The following LMTK3 variants were observed in gnomAD, a reference collection of about 807,000 sequenced individuals.
The protein encoded by LMTK3 is serine/threonine-protein kinase LMTK3.
Under a neutral mutation model 116.7 loss-of-function variants are expected in LMTK3, and 27 were observed. The ratio of observed to expected loss-of-function variants is 0.23; its 90% CI spans 0.17 to 0.32. The LOEUF (loss-of-function observed/expected upper bound fraction) is 0.32, where lower values mean the gene tolerates loss of function less well. LMTK3 is among the 10% of genes least tolerant of loss of function. The probability of loss-of-function intolerance (pLI) is 1.00; values close to 1 mark genes in which losing one functional copy is unlikely to be tolerated. For synonymous variants in LMTK3, 965 were observed against 971.0 expected (o/e 0.99, Z 0.11); for missense variants, 1,764 against 2,068.5 (o/e 0.85, Z 2.86).
Position 48,498,861 on chromosome 19 carries a change from G to T in LMTK3, c.2208C>A (p.Leu736=). 1.6e-6 allele frequency: 2 copies of T among 1,217,320 alleles called. No individual in the cohort carries two copies. The highest frequency in any genetic ancestry group is 2.1e-6 in the Non-Finnish European group (2 of 957,228). 75.4% of individuals were successfully genotyped at this position (1,217,320 alleles called of 1,614,324 possible). Residue 736 remains leucine, a synonymous_variant, in exon 11 of 15, where the codon CTC becomes CTA. Transcript: ENST00000600059. ...ASAPPEFLDP[L]MGAAAPQYPG... ...GGTACTGGGGCGCCGCCGCCCCCATGAGGGGGTCCAGAAACTCGGGGGGGG... is the reference window on the plus strand; with the variant it reads ...GGTACTGGGGCGCCGCCGCCCCCATTAGGGGGTCCAGAAACTCGGGGGGGG...
intron 1 of LMTK3, among the ~76,000 whole-genome samples, chr19:48,510,973 G>A (rs1484808109): frequency 3.3e-5 from 5 of 152,346 alleles, no homozygotes; most frequent in Admixed American, 3.3e-4. Context: ...TTGGGGAGGA[G>A]GACTAGCTCT....
rs373424600 is a variant in LMTK3 at position 48,491,126 on chromosome 19, G to T, written c.4348C>A (p.Pro1450Thr). 43 of 1,374,806 alleles carry T rather than the reference G, an allele frequency of 3.1e-5. No individual in the cohort carries two copies. The African/African-American group carries it at 6.0e-4, about 19-fold the overall frequency. The allele number at this position is 1,374,806 out of a possible 1,614,324, so 85.2% of individuals were successfully genotyped here. The change falls in exon 14 of 15, where the codon CCC (proline) becomes ACC (threonine). Residue 1450 changes from proline to threonine, a missense_variant. Coordinates refer to ENST00000600059, the MANE Select transcript of LMTK3 (RefSeq NM_001388485.1). The surrounding 1 kb of genome is among the most constrained non-coding windows in gnomAD (Gnocchi z 5.1). ...LETPGPPARA[P>T]DARPAGPVEN The stretch of plus-strand genomic sequence containing the variant: ...ATGGTACCTGCGGGCCGGGCGTCGG[G>T]GGCCCGGGCGGGTGGCCCCGGGGTC...
chr19:48,510,191 G>T lies in LMTK3; in HGVS notation c.211-18C>A. The T allele has an allele frequency of 6.2e-7, 1 of 1,606,034 alleles. No homozygotes were observed. Among genetic ancestry groups the T allele is most frequent in the Non-Finnish European group, 8.5e-7 (1 of 1,173,546 alleles). On this transcript the variant is annotated intron_variant, in intron 2 of 14. Transcript: ENST00000600059. ...TCAAATTCCTGGGGCCAGGAGAGGA[G>T]AAGAGGGGTGGGAGAACGCAGGGCT...
intron 6 of LMTK3, among the ~76,000 whole-genome samples, 158 bp from the exon 7 acceptor site, chr19:48,502,739 G>A (rs1972495298): frequency 6.6e-6 from 1 of 152,200 alleles, no homozygotes; most frequent in Non-Finnish European, 1.5e-5. Context: ...CATCTTGCCT[G>A]CTTGTTCAGG....
intron 7 of LMTK3, 78 bp downstream of exon 7, chr19:48,502,355 T>C: frequency 3.7e-5 from 41 of 1,099,230 alleles, no homozygotes; most frequent in Admixed American, 2.1e-4. Flanking sequence ...CCGCCCCCCC[T>C]CTAGCCCCTC....
In LMTK3 at chr19:48,511,608, TGGC is replaced by T; in HGVS notation, c.-35_-33del. ...GAGGATGGCAGGGAGGTGGAGGTGGTGGCGGCTGGGGAGGAGGGGGGGGCGGGC... is the reference window on the plus strand; with the variant it reads ...GAGGATGGCAGGGAGGTGGAGGTGGTGGCTGGGGAGGAGGGGGGGGCGGGC... On this transcript the variant is annotated 5_prime_UTR_variant, in exon 1 of 15. Coordinates refer to ENST00000600059, the MANE Select transcript of LMTK3 (RefSeq NM_001388485.1). 2 of 159,226 alleles carry T rather than the reference TGGC, an allele frequency of 1.3e-5. No individual in the cohort carries two copies. The highest frequency in any genetic ancestry group is 2.2e-5 in the Non-Finnish European group (2 of 90,100). 9.9% of individuals were successfully genotyped at this position (159,226 alleles called of 1,614,324 possible).
chr19:48,509,434 C>T lies in LMTK3; in HGVS notation c.438+3G>A. 1 of 1,552,618 alleles carries T rather than the reference C, an allele frequency of 6.4e-7. No homozygotes were observed. The highest frequency in any genetic ancestry group is 8.7e-7 in the Non-Finnish European group (1 of 1,147,610). ...CCCTGCCTCCCCTCCCCAGCCCACT[C>T]ACCTTCCCAAACCAGCCACTCCCAA... On this transcript the variant is annotated splice_donor_region_variant and intron_variant, in intron 4 of 14. Coordinates refer to ENST00000600059, the MANE Select transcript of LMTK3 (RefSeq NM_001388485.1).
intron 5 of LMTK3, among the ~76,000 whole-genome samples, chr19:48,503,435 A>T (rs1234380232): frequency 6.6e-6 from 1 of 151,842 alleles, no homozygotes. Context: ...CCATCTCTGG[A>T]TGGCCCTCAC....
Position 48,502,939 on chromosome 19 carries a change from C to A in LMTK3, c.615G>T (p.Pro205=). Residue 205 remains proline, a synonymous_variant, in exon 6 of 15, where the codon CCG becomes CCT. Coordinates refer to ENST00000600059, the MANE Select transcript of LMTK3 (RefSeq NM_001388485.1). ...GACAGAACTCCATAATCAGCAGAAACGGCAGCGTCTCCACGCACAGACCCA... is the reference window on the plus strand; with the variant it reads ...GACAGAACTCCATAATCAGCAGAAAAGGCAGCGTCTCCACGCACAGACCCA... ...QCLGLCVETL[P]FLLIMEFCQL... is the part of the protein sequence containing the mutation. The A allele has an allele frequency of 6.2e-7, 1 of 1,613,034 alleles. No individual in the cohort carries two copies. The highest frequency in any genetic ancestry group is 8.5e-7 in the Non-Finnish European group (1 of 1,179,448).
At position 48,497,343 on chromosome 19, in the gene LMTK3, C is replaced by T; in HGVS notation, c.3676+50G>A. On this transcript the variant is annotated intron_variant, in intron 11 of 14. Coordinates refer to ENST00000600059, the MANE Select transcript of LMTK3 (RefSeq NM_001388485.1). This position sits in a 1 kb window ranked among gnomAD's most constrained non-coding sequence, Gnocchi z 5.7. ...TTACCCACACTCACCCTCCGCACGC[C>T]TCGGAAACAGCCGGACCTCAGCCCT... 7.1e-7 allele frequency: 1 copy of T among 1,414,792 alleles called. No individual in the cohort carries two copies. The allele number at this position is 1,414,792 out of a possible 1,614,324, so 87.6% of individuals were successfully genotyped here.
At position 48,497,772 on chromosome 19, in the gene LMTK3, C is replaced by CT; in HGVS notation, c.3296_3297insA (p.Arg1100GlufsTer440). ...CCAGCCTCCCAGCCCCTGGGGCTCT[C>CT]GGCGCCCCCCCAGTCTCGGGGGCTC... is the stretch of plus-strand genomic sequence containing the variant. On this transcript the variant is annotated frameshift_variant, in exon 11 of 15. Coordinates refer to ENST00000600059, the MANE Select transcript of LMTK3 (RefSeq NM_001388485.1). LOFTEE classifies it high-confidence loss of function. This position sits in a 1 kb window ranked among gnomAD's most constrained non-coding sequence, Gnocchi z 5.7. The CT allele has an allele frequency of 7.3e-7, 1 of 1,375,702 alleles. No individual in the cohort carries two copies. Among genetic ancestry groups the CT allele is most frequent in the Admixed American group, 3.5e-5 (1 of 28,170 alleles). The allele number at this position is 1,375,702 out of a possible 1,614,324, so 85.2% of individuals were successfully genotyped here. A position where few individuals can be genotyped will look rare whatever the true frequency, so the allele number is the denominator to read the frequency against.
intron 5 of LMTK3, among the ~76,000 whole-genome samples, chr19:48,505,528 C>A (rs1426191009): frequency 6.6e-6 from 1 of 151,960 alleles, no homozygotes; most frequent in Non-Finnish European, 1.5e-5. Flanking sequence ...AGTTTGAGAC[C>A]AGCTGGAGCA....
In LMTK3 at chr19:48,497,749, A is replaced by G; in HGVS notation, c.3320T>C (p.Leu1107Pro). The change falls in exon 11 of 15, where the codon CTG (leucine) becomes CCG (proline). Residue 1107 changes from leucine to proline, a missense_variant. Physicochemically the swap from Leu to Pro is moderately conservative, Grantham distance 98. Transcript: ENST00000600059. This position sits in a 1 kb window ranked among gnomAD's most constrained non-coding sequence, Gnocchi z 5.7. ...GGCTCGGCCCCCACTCCCGAGGTCC[A>G]GCCTCCCAGCCCCTGGGGCTCTCGG... ...GAPRAPGAGR[L>P]DLGSGGRAPV... The G allele has an allele frequency of 7.4e-7, 1 of 1,348,266 alleles. No individual in the cohort carries two copies. 83.5% of individuals were successfully genotyped at this position (1,348,266 alleles called of 1,614,324 possible). A position where few individuals can be genotyped will look rare whatever the true frequency, so the allele number is the denominator to read the frequency against.
intron 7 of LMTK3, 99 bp from the exon 8 acceptor site, chr19:48,501,661 C>G (rs996670461): frequency 2.6e-6 from 3 of 1,161,272 alleles, no homozygotes; most frequent in Non-Finnish European, 3.7e-6. Flanking sequence ...ATGACCCTGC[C>G]CCGCCACACT....
upstream of LMTK3, chr19:48,513,355 G>A (rs1290442905): frequency 3.2e-6 from 2 of 630,090 alleles, no homozygotes; most frequent in Non-Finnish European, 5.7e-6. This position sits in a 1 kb window ranked among gnomAD's most constrained non-coding sequence, Gnocchi z 5.6. Context: ...TACAGATGAG[G>A]CAACTGAGGC....
At position 48,501,421 on chromosome 19, in the gene LMTK3, G is replaced by A. The variant is rs769246331; in HGVS notation, c.880-17C>T. The A allele has an allele frequency of 1.9e-6, 3 of 1,612,602 alleles. No homozygotes were observed. The South Asian group carries it at 3.3e-5, about 18-fold the overall frequency. On this transcript the variant is annotated splice_polypyrimidine_tract_variant and intron_variant, in intron 8 of 14. Transcript: ENST00000600059. ...GTAGTCCTCCTGAGGGAACCAGGGC[G>A]GTGTCAGGCGGGTCAGGGCACCCCA...
Position 48,497,818 on chromosome 19 carries a change from A to C in LMTK3, c.3251T>G (p.Leu1084Arg). The change falls in exon 11 of 15, where the codon CTG becomes CGG. Residue 1084 changes from leucine (L) to arginine (R), a missense_variant. This residue lies in a region of LMTK3 where 1,028 missense variants were observed against 1,050.6 expected (regional missense o/e 0.98). Transcript: ENST00000600059. This position sits in a 1 kb window ranked among gnomAD's most constrained non-coding sequence, Gnocchi z 5.7. ...PLGPAPKNGT[L>R]EPGTERRAPE... ...GGCTCTCCTCTCGGTCCCGGGTTCC[A>C]GCGTCCCGTTCTTGGGGGCTGGGCC... 1 of 1,388,036 alleles carries C rather than the reference A, an allele frequency of 7.2e-7. No homozygotes were observed. Among genetic ancestry groups the C allele is most frequent in the Admixed American group, 3.4e-5 (1 of 29,054 alleles). The allele number at this position is 1,388,036 out of a possible 1,614,324, so 86.0% of individuals were successfully genotyped here. A position where few individuals can be genotyped will look rare whatever the true frequency, so the allele number is the denominator to read the frequency against.
In LMTK3 at chr19:48,510,105, G is replaced by A. The variant is rs1365734912; in HGVS notation, c.279C>T (p.Ser93=). Residue 93 remains serine (S), a synonymous_variant, in exon 3 of 15, where the codon TCC becomes TCT. Transcript: ENST00000600059. ...EYTPPAEETS[S]SQSLPDVYIL... ...TGTAGACATCAGGCAGCGACTGTGA[G>A]GAGGAGGTCTCCTCCGCAGGGGGAG... is the stretch of plus-strand genomic sequence containing the variant. The A allele has an allele frequency of 1.2e-6, 2 of 1,613,972 alleles. No individual in the cohort carries two copies. Among genetic ancestry groups the A allele is most frequent in the African/African-American group, 2.7e-5 (2 of 75,054 alleles).
chr19:48,507,641 C>T (rs551125273), intron 5 of LMTK3, among the ~76,000 whole-genome samples: 57 of 152,294 alleles, frequency 3.7e-4, no homozygotes, highest in South Asian at 2.3e-3. Context: ...GACAGGGTCT[C>T]GCTCTGTTGC....
Sources: gnomAD v4.1 joint callset for allele counts (sites outside exome capture counted in the v4.1 genomes callset) on GRCh38, gnomAD v4.1.1 for gene constraint, gnomAD v4.1.1 regional missense constraint, Gnocchi (gnomAD v3.1) non-coding constraint, MANE v1.5 for transcripts, NCBI Gene and HGNC (gene_info 2026-07-23, HGNC 2026-07-21) for gene names.